Variants in TXNL4A observed in about 807,000 individuals in gnomAD.
TXNL4A encodes the protein thioredoxin-like protein 4A.
TXNL4A carries 17 observed loss-of-function variants against 14.6 expected under a neutral mutation model. The observed-to-expected ratio is 1.16, with a 90% CI of 0.80 to 1.74. TXNL4A has a LOEUF of 1.74. TXNL4A is among the 40% of genes most tolerant of loss of function. TXNL4A has a pLI of 0.00. For missense variants in TXNL4A, 74 were observed against 195.2 expected (o/e 0.38, Z 3.70); for synonymous variants, 83 against 70.6 (o/e 1.18, Z -0.88).
intron 1 of TXNL4A, among the ~76,000 whole-genome samples, chr18:80,032,344 G>GA (rs887333016): frequency 6.6e-6 from 1 of 151,220 alleles, no homozygotes; most frequent in African/African-American, 2.4e-5. Context: ...AGATTTTAAA[G>GA]AAAAAAAAGG....
intron 1 of TXNL4A, among the ~76,000 whole-genome samples, chr18:79,987,222 A>G (rs2051564296): frequency 6.6e-6 from 1 of 152,224 alleles, no homozygotes; most frequent in African/African-American, 2.4e-5. Context: ...TGTAATAACT[A>G]AAATATAACA....
chr18:80,004,032 G>C (rs916498252), intron 1 of TXNL4A, among the ~76,000 whole-genome samples: 1 of 151,902 alleles, frequency 6.6e-6, no homozygotes, highest in Non-Finnish European at 1.5e-5. Flanking sequence ...GACCATGTCA[G>C]ATAGGTCACT....
upstream of TXNL4A, among the ~76,000 whole-genome samples, chr18:79,992,707 T>C (rs2051635516): frequency 6.6e-6 from 1 of 152,100 alleles, no homozygotes; most frequent in African/African-American, 2.4e-5. Flanking sequence ...TGTTAAAATT[T>C]CGCCATGGTA....
At chr18:79,988,189 G>C in intron 1 of TXNL4A, 51 bp downstream of exon 1, 2 of 1,433,294 alleles carry the variant, frequency 1.4e-6, no homozygotes, top group Non-Finnish European at 9.3e-7. Context: ...GCAGAGGCGC[G>C]GGGCAGATGC....
chr18:80,029,988 G>T (rs1170966174), intron 1 of TXNL4A, among the ~76,000 whole-genome samples: 4 of 152,132 alleles, frequency 2.6e-5, no homozygotes, highest in Non-Finnish European at 5.9e-5. Flanking sequence ...ATCTAATAAA[G>T]AATTCCCTTC....
At chr18:79,992,876 TAAAAAAA>T (rs59567705), upstream of TXNL4A, among the ~76,000 whole-genome samples, 23 of 78,598 alleles carry the variant, frequency 2.9e-4, no homozygotes, top group East Asian at 7.8e-4. Flanking sequence ...TCATCTTATG[TAAAAAAA>T]AAAAAAAAAA....
chr18:80,030,215 C>T (rs753875468), intron 1 of TXNL4A, among the ~76,000 whole-genome samples: 8 of 152,168 alleles, frequency 5.3e-5, no homozygotes, highest in Non-Finnish European at 1.2e-4. Flanking sequence ...TGCTTAAACC[C>T]AAGACACAGG....
chr18:80,025,132 C>G (rs527732716), intron 1 of TXNL4A, among the ~76,000 whole-genome samples: 1 of 152,230 alleles, frequency 6.6e-6, no homozygotes, highest in South Asian at 2.1e-4. Context: ...TACCTGAGAA[C>G]CAGGATAAAA....
At chr18:80,010,249 A>G (rs1027046318) in intron 1 of TXNL4A, among the ~76,000 whole-genome samples, 1 of 152,194 alleles carries the variant, frequency 6.6e-6, no homozygotes, top group Admixed American at 6.5e-5. Context: ...TGGGGTGGCC[A>G]CTATGAGTCC....
intron 1 of TXNL4A, among the ~76,000 whole-genome samples, chr18:80,032,784 G>A (rs1240549395): frequency 1.3e-5 from 2 of 152,226 alleles, no homozygotes; most frequent in African/African-American, 2.4e-5. Context: ...AGGTTGCAGT[G>A]AGCCGGGATC....
At chr18:79,998,737 G>A (rs550361985) in intron 1 of TXNL4A, among the ~76,000 whole-genome samples, 75 of 148,820 alleles carry the variant, frequency 5.0e-4, no homozygotes, top group Non-Finnish European at 6.1e-4. Context: ...CATACTCAAC[G>A]TGTGTCTGTC....
intron 1 of TXNL4A, among the ~76,000 whole-genome samples, chr18:80,006,516 T>C (rs1258796118): frequency 2.0e-5 from 3 of 152,290 alleles, no homozygotes; most frequent in African/African-American, 7.2e-5. Context: ...GAGCTTAGGG[T>C]TGTAAACTGA....
chr18:80,025,586 T>C (rs890579654), intron 1 of TXNL4A, among the ~76,000 whole-genome samples: 17 of 152,232 alleles, frequency 1.1e-4, no homozygotes, highest in Admixed American at 2.6e-4. Flanking sequence ...TGGTAACAGG[T>C]AGCGGAGCCC....
At chr18:80,025,863 C>G (rs193222136) in intron 1 of TXNL4A, among the ~76,000 whole-genome samples, 2 of 152,194 alleles carry the variant, frequency 1.3e-5, no homozygotes, top group Non-Finnish European at 2.9e-5. Flanking sequence ...ACAACCAGCA[C>G]CCCCCAAATC....
intron 1 of TXNL4A, among the ~76,000 whole-genome samples, chr18:80,001,329 G>A (rs2051697098): frequency 6.6e-6 from 1 of 152,222 alleles, no homozygotes; most frequent in African/African-American, 2.4e-5. Context: ...TGCAGGGCTG[G>A]GGCCCTCATG....
chr18:79,975,791 C>A (rs554451031), intron 2 of TXNL4A, among the ~76,000 whole-genome samples: 1 of 151,978 alleles, frequency 6.6e-6, no homozygotes, highest in South Asian at 2.1e-4. Flanking sequence ...GCAACACACT[C>A]GGGATATTTA....
In TXNL4A at chr18:79,972,702, A is replaced by G. The variant is rs997687242; in HGVS notation, c.*983T>C. On this transcript the variant is annotated 3_prime_UTR_variant, in exon 3 of 3. Transcript: ENST00000269601. ...CTGGTCTCGAACACCTGACTTCGTG[A>G]TCTGCCCACCTCGGCCTCCCAAAGT... The G allele has an allele frequency of 1.3e-5, 2 of 152,190 alleles. No homozygotes were observed. Among genetic ancestry groups the G allele is most frequent in the Non-Finnish European group, 2.9e-5 (2 of 68,070 alleles). The allele number at this position is 152,190 out of a possible 1,614,324, so 9.4% of individuals were successfully genotyped here. A position where few individuals can be genotyped will look rare whatever the true frequency, so the allele number is the denominator to read the frequency against.
At chr18:80,005,366 G>T (rs1399091360) in intron 1 of TXNL4A, among the ~76,000 whole-genome samples, 1 of 152,226 alleles carries the variant, frequency 6.6e-6, no homozygotes, top group Non-Finnish European at 1.5e-5. Context: ...CATTGAATTA[G>T]AGGTTAAGAG....
intron 1 of TXNL4A, among the ~76,000 whole-genome samples, chr18:80,008,044 A>C (rs1019912266): frequency 5.3e-5 from 8 of 152,270 alleles, no homozygotes; most frequent in Middle Eastern, 3.4e-3. Flanking sequence ...CCAGCTACTC[A>C]GAGGGGCTGA....
Sources: gnomAD v4.1 joint callset for allele counts (sites outside exome capture counted in the v4.1 genomes callset) on GRCh38, gnomAD v4.1.1 for gene constraint, MANE v1.5 for transcripts, NCBI Gene and HGNC (gene_info 2026-07-23, HGNC 2026-07-21) for gene names.